USP32: variants seen among roughly 807,000 people sequenced by gnomAD.
The protein encoded by USP32 is ubiquitin carboxyl-terminal hydrolase 32.
In USP32, 59 loss-of-function variants were observed where a neutral mutation model predicts 204.8. That is an observed-to-expected ratio of 0.29 (90% CI 0.23 to 0.36). The LOEUF (loss-of-function observed/expected upper bound fraction) is 0.36. Ranked by LOEUF, USP32 falls within the 10% of genes least tolerant of loss-of-function variation. The probability of loss-of-function intolerance (pLI) is 1.00; values close to 1 mark genes in which losing one functional copy is unlikely to be tolerated. For missense variants in USP32, 1,160 were observed against 1,946.4 expected (o/e 0.60, Z 7.60); for synonymous variants, 517 against 678.4 (o/e 0.76, Z 3.70).
At chr17:60,381,664 A>C (rs2089649718) in intron 1 of USP32, among the ~76,000 whole-genome samples, 1 of 152,180 alleles carries the variant, frequency 6.6e-6, no homozygotes, top group Non-Finnish European at 1.5e-5. Context: ...CTGTCTGAAC[A>C]CTGTGTACCC....
At chr17:60,189,623 A>G (rs2084329660) in intron 29 of USP32, among the ~76,000 whole-genome samples, 1 of 152,250 alleles carries the variant, frequency 6.6e-6, no homozygotes, top group Non-Finnish European at 1.5e-5. Context: ...TTCTGAAGCA[A>G]CATTTTCAAA....
At chr17:60,338,743 T>A (rs2088584519) in intron 2 of USP32, among the ~76,000 whole-genome samples, 1 of 152,124 alleles carries the variant, frequency 6.6e-6, no homozygotes, top group African/African-American at 2.4e-5. Context: ...AAAAACATAG[T>A]GGCCTTGGTT....
chr17:60,251,288 T>A (rs1184705039), intron 11 of USP32, among the ~76,000 whole-genome samples: 5 of 152,018 alleles, frequency 3.3e-5, no homozygotes, highest in African/African-American at 1.2e-4. Context: ...AAAAAAATAA[T>A]AATAATAAAT....
chr17:60,249,220 G>A (rs2086108779), intron 11 of USP32: 1 of 152,558 alleles, frequency 6.6e-6, no homozygotes, highest in Admixed American at 6.5e-5. Context: ...ACATGGTTTG[G>A]GGAATGCATT....
intron 1 of USP32, among the ~76,000 whole-genome samples, chr17:60,371,584 T>G (rs2089442923): frequency 6.6e-6 from 1 of 151,554 alleles, no homozygotes; most frequent in South Asian, 2.1e-4. Flanking sequence ...AAAAAAAAAT[T>G]AAATGAAACA....
chr17:60,279,623 G>A (rs576827478), intron 5 of USP32, among the ~76,000 whole-genome samples: 44 of 151,914 alleles, frequency 2.9e-4, no homozygotes, highest in East Asian at 2.1e-3. Context: ...GATCACTAGA[G>A]CCCAGGAGTT....
intron 1 of USP32, among the ~76,000 whole-genome samples, chr17:60,405,358 A>C (rs2089967649): frequency 6.6e-6 from 1 of 151,814 alleles, no homozygotes; most frequent in Non-Finnish European, 1.5e-5. Context: ...ACACACCTCC[A>C]AGCCAACCTA....
intron 1 of USP32, among the ~76,000 whole-genome samples, chr17:60,365,512 A>T (rs1466997813): frequency 6.6e-6 from 1 of 151,720 alleles, no homozygotes; most frequent in Non-Finnish European, 1.5e-5. Flanking sequence ...AATAAATAAA[A>T]TATAAATGAC....
At chr17:60,382,983 C>T (rs1234502384) in intron 1 of USP32, among the ~76,000 whole-genome samples, 1 of 152,052 alleles carries the variant, frequency 6.6e-6, no homozygotes, top group Non-Finnish European at 1.5e-5. Flanking sequence ...CGCGGTGGTT[C>T]ACTCCTGTAA....
At chr17:60,354,017 T>G (rs934834057) in intron 1 of USP32, among the ~76,000 whole-genome samples, 1 of 152,228 alleles carries the variant, frequency 6.6e-6, no homozygotes, top group African/African-American at 2.4e-5. Flanking sequence ...GCAACTATAC[T>G]CTTTACTTCC....
rs536241769 is a variant in USP32 at position 60,304,338 on chromosome 17, T to C, written c.187-2634A>G. ...GAAAATATCTTTCAAAAAGAAAAGA[T>C]ATTTTGCTTCCCTTTATTTTTTTAT... On this transcript the variant is annotated intron_variant, in intron 2 of 33. Coordinates refer to ENST00000300896, the MANE Select transcript of USP32 (RefSeq NM_032582.4). Among the ~76,000 whole-genome samples the C allele has an allele frequency of 2.6e-5, 4 of 151,742 alleles. No individual in the cohort carries two copies. The South Asian group carries it at 8.3e-4, about 31-fold the overall frequency.
intron 2 of USP32, among the ~76,000 whole-genome samples, chr17:60,307,756 T>A (rs1348446398): frequency 6.6e-6 from 1 of 152,098 alleles, no homozygotes; most frequent in Non-Finnish European, 1.5e-5. Context: ...CCTGCCTTGG[T>A]GCCCAAATGT....
intron 1 of USP32, among the ~76,000 whole-genome samples, chr17:60,347,540 A>AG (rs1320020115): frequency 6.6e-6 from 1 of 150,906 alleles, no homozygotes; most frequent in East Asian, 2.0e-4. Context: ...TTTTTAGTAG[A>AG]GACAGGGTTT....
At chr17:60,222,880 C>A (rs561545491) in intron 14 of USP32, among the ~76,000 whole-genome samples, 135 of 151,996 alleles carry the variant, frequency 8.9e-4, no homozygotes, top group African/African-American at 3.1e-3. Context: ...CGGGGTTTCA[C>A]CATGTTGGCC....
At chr17:60,214,810 G>A in intron 16 of USP32, 36 bp from the exon 17 acceptor site, 1 of 1,613,862 alleles carries the variant, frequency 6.2e-7, no homozygotes, top group Non-Finnish European at 8.5e-7. Context: ...AAAAAAGGCA[G>A]ATGTGAAAAA....
chr17:60,385,196 C>T (rs961549400), intron 1 of USP32, among the ~76,000 whole-genome samples: 4 of 152,182 alleles, frequency 2.6e-5, no homozygotes, highest in African/African-American at 9.7e-5. Context: ...CACTGGGCAC[C>T]TCGTGACCCC....
intron 1 of USP32, among the ~76,000 whole-genome samples, chr17:60,387,857 G>A (rs2089757950): frequency 1.3e-5 from 2 of 152,084 alleles, no homozygotes; most frequent in Non-Finnish European, 1.5e-5. Context: ...TAATTTATTA[G>A]TGTACTGAAA....
At chr17:60,346,707 A>G (rs566699480) in intron 1 of USP32, among the ~76,000 whole-genome samples, 1 of 152,330 alleles carries the variant, frequency 6.6e-6, no homozygotes, top group South Asian at 2.1e-4. Context: ...ATAGAGGCAC[A>G]GAAATGGTAC....
chr17:60,395,165 G>A (rs536047607), upstream of USP32, among the ~76,000 whole-genome samples: 8 of 152,258 alleles, frequency 5.3e-5, no homozygotes, highest in East Asian at 1.9e-4. Flanking sequence ...ACTGAAACAC[G>A]ACTGTAGCTC....
Sources: allele counts gnomAD v4.1 joint callset (sites outside exome capture counted in the v4.1 genomes callset), GRCh38; gene constraint gnomAD v4.1.1; transcripts MANE v1.5; gene names NCBI Gene and HGNC (gene_info 2026-07-23, HGNC 2026-07-21).